Variants in ARHGAP32 observed in about 807,000 individuals in gnomAD.
ARHGAP32 encodes the protein Rho GTPase activating protein 32, also known as rho GTPase-activating protein 32.
A neutral mutation model predicts 186.5 loss-of-function variants in ARHGAP32; 51 were observed. That is an observed-to-expected ratio of 0.27 (90% CI 0.22 to 0.35). The LOEUF is 0.35. Ranked by LOEUF, ARHGAP32 falls within the 10% of genes least tolerant of loss-of-function variation. The pLI, the probability that ARHGAP32 is intolerant of heterozygous loss-of-function variation, is 1.00. For synonymous variants in ARHGAP32, 950 were observed against 964.3 expected, an observed-to-expected ratio of 0.99 and a Z score of 0.27; for missense variants, 2,186 against 2,623.5, an observed-to-expected ratio of 0.83 and a Z score of 3.64.
At chr11:129,047,555 T>A (rs1296225521) in intron 10 of ARHGAP32, among the ~76,000 whole-genome samples, 1 of 151,798 alleles carries the variant, frequency 6.6e-6, no homozygotes, top group South Asian at 2.1e-4. Context: ...GCCAAACCAA[T>A]CCAGCAAACC....
At chr11:129,099,035 A>C (rs2135291473) in intron 5 of ARHGAP32, among the ~76,000 whole-genome samples, 1 of 152,356 alleles carries the variant, frequency 6.6e-6, no homozygotes, top group South Asian at 2.1e-4. Flanking sequence ...ACACATTTAA[A>C]AAGCATTAAT....
At chr11:129,253,986 G>A (rs1374326955) in intron 1 of ARHGAP32, among the ~76,000 whole-genome samples, 1 of 151,996 alleles carries the variant, frequency 6.6e-6, no homozygotes, top group African/African-American at 2.4e-5. Context: ...ATAATTATGT[G>A]GTGTTAACTG....
chr11:129,279,415 G>C (rs1232973673), upstream of ARHGAP32: 1 of 145,060 alleles, frequency 6.9e-6, no homozygotes, highest in Non-Finnish European at 1.5e-5. Flanking sequence ...CCCACCTCCG[G>C]CACGCACCGC....
intron 1 of ARHGAP32, among the ~76,000 whole-genome samples, chr11:129,261,679 G>C (rs969855814): frequency 2.6e-5 from 4 of 152,136 alleles, no homozygotes; most frequent in African/African-American, 9.7e-5. Context: ...AGAGTTTTCA[G>C]GAAATACTCT....
Position 128,978,901 on chromosome 11 carries a change from T to G in ARHGAP32, c.1991A>C (p.Asn664Thr). Residue 664 changes from asparagine to threonine, a missense_variant, in exon 19 of 23, where the codon AAT (asparagine) becomes ACT (threonine). By Grantham distance (65) the Asn-to-Thr change is moderately conservative. Coordinates refer to ENST00000682385, the MANE Select transcript of ARHGAP32 (RefSeq NM_001378024.1). ...ACCCACAGGAGACTTTTTCATCTTA[T>G]TTTGAGGCCTCTTTCTATGAAAGAG... ...EFPLERKRPQNKMKKSPVGSW... is the reference protein window; with the variant it reads ...EFPLERKRPQTKMKKSPVGSW... The G allele has an allele frequency of 1.2e-6, 2 of 1,605,722 alleles. No homozygotes were observed. The highest frequency in any genetic ancestry group is 1.1e-5 in the South Asian group (1 of 89,562).
At chr11:128,978,090 T>C (rs925489368) in intron 19 of ARHGAP32, among the ~76,000 whole-genome samples, 3 of 152,026 alleles carry the variant, frequency 2.0e-5, no homozygotes, top group African/African-American at 7.2e-5. Flanking sequence ...CCAATTTGAC[T>C]TGGAAGGCAG....
At chr11:129,131,105 T>C (rs1942797754) in intron 2 of ARHGAP32, among the ~76,000 whole-genome samples, 4 of 152,070 alleles carry the variant, frequency 2.6e-5, no homozygotes, top group Admixed American at 2.6e-4. Flanking sequence ...CTTATTACAT[T>C]TATATGAAGT....
At chr11:129,128,951 T>C (rs1251715750) in intron 2 of ARHGAP32, among the ~76,000 whole-genome samples, 64 of 152,268 alleles carry the variant, frequency 4.2e-4, no homozygotes, top group Non-Finnish European at 7.1e-4. Flanking sequence ...ACCTCCCAGC[T>C]GCCTGCCTTG....
chr11:129,104,016 T>C (rs1941978793), intron 5 of ARHGAP32, among the ~76,000 whole-genome samples: 1 of 152,078 alleles, frequency 6.6e-6, no homozygotes, highest in Non-Finnish European at 1.5e-5. Flanking sequence ...CAGTAACAGA[T>C]GGAACGGTTT....
At chr11:128,973,983 GC>G in intron 21 of ARHGAP32, 140 bp downstream of exon 21, 1 of 1,009,202 alleles carries the variant, frequency 9.9e-7, no homozygotes, top group Non-Finnish European at 1.4e-6. Flanking sequence ...AGGGCTCTGA[GC>G]CATCAGCACC....
chr11:129,173,474 C>T (rs1375533496), intron 1 of ARHGAP32, among the ~76,000 whole-genome samples: 1 of 152,136 alleles, frequency 6.6e-6, no homozygotes, highest in Non-Finnish European at 1.5e-5. Context: ...TTTTATGAAG[C>T]CAGCATCATC....
intron 11 of ARHGAP32, among the ~76,000 whole-genome samples, chr11:129,031,415 G>C (rs952721189): frequency 6.6e-6 from 1 of 152,150 alleles, no homozygotes; most frequent in Non-Finnish European, 1.5e-5. Flanking sequence ...ATGTGGCATA[G>C]GGATTGAACC....
At chr11:129,176,441 T>G (rs1476015401) in intron 1 of ARHGAP32, among the ~76,000 whole-genome samples, 1 of 82,656 alleles carries the variant, frequency 1.2e-5, no homozygotes, top group Non-Finnish European at 2.9e-5. Context: ...GCGGACCTAA[T>G]AGACATCTAC....
At chr11:129,207,082 A>C (rs1351228316) in intron 1 of ARHGAP32, among the ~76,000 whole-genome samples, 1 of 151,946 alleles carries the variant, frequency 6.6e-6, no homozygotes, top group African/African-American at 2.4e-5. Flanking sequence ...AAGGACATGA[A>C]CTCATTCTTT....
chr11:129,054,204 T>C (rs774134540), intron 10 of ARHGAP32, among the ~76,000 whole-genome samples: 2 of 152,134 alleles, frequency 1.3e-5, no homozygotes, highest in Non-Finnish European at 2.9e-5. Flanking sequence ...ACATGGGGTA[T>C]ATAAAATTCT....
rs61454534 is a variant in ARHGAP32 at position 129,248,212 on chromosome 11, C to CAAA, written c.-5+30931_-5+30933dup. Among the ~76,000 whole-genome samples the CAAA allele has an allele frequency of 1.4e-4, 17 of 122,014 alleles. No homozygotes were observed. In the South Asian group the frequency reaches 3.0e-3, roughly 22 times the overall value. The allele number at this position is 122,014 out of a possible 152,430, so 80.0% of individuals were successfully genotyped here. Reference sequence around the variant, plus strand: ...TGTAGTCCCAGCTACTTGGCTGTCTCAAAAAAAAAAAAAAAAAAGGAAAGT... The same window carrying CAAA: ...TGTAGTCCCAGCTACTTGGCTGTCTCAAAAAAAAAAAAAAAAAAAAAGGAAAGT... On this transcript the variant is annotated intron_variant, in intron 1 of 6. Coordinates refer to the ARHGAP32 transcript ENST00000525234.
At chr11:129,117,150 T>C (rs1193867790) in intron 5 of ARHGAP32, among the ~76,000 whole-genome samples, 1 of 151,978 alleles carries the variant, frequency 6.6e-6, no homozygotes, top group East Asian at 1.9e-4. Flanking sequence ...GTTGAGTCAG[T>C]CTATTCTTTT....
rs1943217841 is a variant in ARHGAP32 at position 129,148,461 on chromosome 11, T to TC, written c.225+15857dup. On this transcript the variant is annotated intron_variant, in intron 2 of 22. Coordinates refer to ENST00000682385, the MANE Select transcript of ARHGAP32 (RefSeq NM_001378024.1). ...GTGAGAGGAAGTGACTTGCATGTACTCCCAGTCTCCAGCTCAAGCCCAGGG... is the reference window on the plus strand; with the variant it reads ...GTGAGAGGAAGTGACTTGCATGTACTCCCCAGTCTCCAGCTCAAGCCCAGGG... Among the ~76,000 whole-genome samples the TC allele has an allele frequency of 7.2e-5, 11 of 152,246 alleles. No homozygotes were observed. The South Asian group carries it at 1.9e-3, about 26-fold the overall frequency.
intron 11 of ARHGAP32, among the ~76,000 whole-genome samples, chr11:129,021,750 C>T (rs529058038): frequency 3.9e-5 from 6 of 152,018 alleles, no homozygotes; most frequent in Admixed American, 2.6e-4. Context: ...ATAATAAATA[C>T]GATTGGTTCT....
Sources: gnomAD v4.1 joint callset for allele counts (sites outside exome capture counted in the v4.1 genomes callset) on GRCh38, gnomAD v4.1.1 for gene constraint, MANE v1.5 for transcripts, NCBI Gene and HGNC (gene_info 2026-07-23, HGNC 2026-07-21) for gene names.